The following GRIN2A variants were observed in gnomAD, a reference collection of about 807,000 sequenced individuals.
The protein encoded by GRIN2A is glutamate ionotropic receptor NMDA type subunit 2A, also known as glutamate receptor ionotropic, NMDA 2A.
In GRIN2A, 22 loss-of-function variants were observed where a neutral mutation model predicts 113.4. That is an observed-to-expected ratio of 0.19 (90% CI 0.14 to 0.28). The LOEUF (loss-of-function observed/expected upper bound fraction) is 0.28, where lower values mean the gene tolerates loss of function less well. GRIN2A is among the 10% of genes least tolerant of loss of function. The pLI is 1.00. For missense variants in GRIN2A, 1,502 were observed against 1,887.0 expected, an observed-to-expected ratio of 0.80 and a Z score of 3.78; for synonymous variants, 827 against 738.4, an observed-to-expected ratio of 1.12 and a Z score of -1.94.
chr16:9,886,105 C>A (rs1253742904), intron 4 of GRIN2A, among the ~76,000 whole-genome samples: 1 of 152,162 alleles, frequency 6.6e-6, no homozygotes, highest in Non-Finnish European at 1.5e-5. Context: ...AGGTGTGAGT[C>A]AAGCCTGCTC....
intron 11 of GRIN2A, among the ~76,000 whole-genome samples, chr16:9,793,300 T>G (rs2141214857): frequency 6.6e-6 from 1 of 152,292 alleles, no homozygotes; most frequent in East Asian, 1.9e-4. Context: ...TAGGCATTCT[T>G]GTTCTTCTCA....
intron 5 of GRIN2A, among the ~76,000 whole-genome samples, chr16:9,842,794 G>T (rs1298359032): frequency 1.3e-5 from 2 of 151,936 alleles, no homozygotes; most frequent in Non-Finnish European, 2.9e-5. Flanking sequence ...AAAATGAGCT[G>T]GGCATGGTGG....
At chr16:9,846,232 C>G (rs2042769789) in intron 5 of GRIN2A, among the ~76,000 whole-genome samples, 1 of 151,960 alleles carries the variant, frequency 6.6e-6, no homozygotes, top group East Asian at 1.9e-4. Context: ...AGAGTGGAGG[C>G]TGGGGGACTG....
chr16:10,117,386 G>A (rs1596524273), intron 2 of GRIN2A, among the ~76,000 whole-genome samples: 1 of 152,292 alleles, frequency 6.6e-6, no homozygotes, highest in Non-Finnish European at 1.5e-5. Context: ...ACTGTGGGTG[G>A]CGATAAAATG....
chr16:10,048,317 C>T (rs1329180027), intron 2 of GRIN2A, among the ~76,000 whole-genome samples: 3 of 152,176 alleles, frequency 2.0e-5, no homozygotes, highest in East Asian at 1.9e-4. Flanking sequence ...TTAATTCCTT[C>T]GTAATCAATC....
chr16:9,765,052 A>G, intron 12 of GRIN2A, 104 bp from the exon 13 acceptor site: 2 of 1,482,770 alleles, frequency 1.3e-6, no homozygotes, highest in East Asian at 2.3e-5. Flanking sequence ...CACTTCTTGC[A>G]GGAGCCCTGG....
At chr16:10,118,040 A>G (rs1314187863) in intron 2 of GRIN2A, among the ~76,000 whole-genome samples, 1 of 152,186 alleles carries the variant, frequency 6.6e-6, no homozygotes, top group Non-Finnish European at 1.5e-5. Context: ...ATCTTGGGGC[A>G]TTCTCTGGAG....
chr16:10,079,952 A>T (rs1004210702), intron 2 of GRIN2A, among the ~76,000 whole-genome samples: 1 of 152,242 alleles, frequency 6.6e-6, no homozygotes, highest in African/African-American at 2.4e-5. Context: ...ACTTTGTATG[A>T]GAATGAGCAA....
chr16:9,867,455 A>C (rs2043179321), intron 4 of GRIN2A, among the ~76,000 whole-genome samples: 1 of 152,118 alleles, frequency 6.6e-6, no homozygotes, highest in Non-Finnish European at 1.5e-5. Flanking sequence ...GCCTCTGCAC[A>C]CATGTCTTTC....
At chr16:10,174,264 A>C (rs2050101845) in intron 2 of GRIN2A, among the ~76,000 whole-genome samples, 1 of 152,216 alleles carries the variant, frequency 6.6e-6, no homozygotes, top group African/African-American at 2.4e-5. Context: ...CAAGGAGCCA[A>C]AATGAAGTCA....
chr16:10,022,031 G>T (rs1337508515), intron 2 of GRIN2A, among the ~76,000 whole-genome samples: 1 of 152,110 alleles, frequency 6.6e-6, no homozygotes, highest in Non-Finnish European at 1.5e-5. Context: ...ACACCTTGCT[G>T]TTCCTCCATG....
rs140081987 is a variant in GRIN2A at position 9,890,902 on chromosome 16, C to T, written c.1122+84G>A. 7.0e-4 allele frequency: 598 copies of T among 857,296 alleles called. 2 individuals are homozygous for T. The highest frequency in any genetic ancestry group is 1.2e-3 in the South Asian group (93 of 75,218). The allele number at this position is 857,296 out of a possible 1,614,324, so 53.1% of individuals were successfully genotyped here. On this transcript the variant is annotated intron_variant, in intron 4 of 12. Transcript: ENST00000330684. ...ATCTAGAGCAGCTCAACAGGAAATG[C>T]GTGGGAGAAAGAAGCACTGTGAGCC...
chr16:10,158,606 C>G, intron 2 of GRIN2A, among the ~76,000 whole-genome samples: 1 of 152,206 alleles, frequency 6.6e-6, no homozygotes, highest in East Asian at 1.9e-4. Flanking sequence ...GAATAAAGTA[C>G]TGATTCATGC....
intron 11 of GRIN2A, among the ~76,000 whole-genome samples, chr16:9,791,901 T>C (rs1230369326): frequency 6.6e-6 from 1 of 152,108 alleles, no homozygotes; most frequent in Non-Finnish European, 1.5e-5. Context: ...TCTGTGAGCA[T>C]CATTATGCTG....
At chr16:9,921,275 T>C (rs2044353709) in intron 3 of GRIN2A, among the ~76,000 whole-genome samples, 1 of 152,222 alleles carries the variant, frequency 6.6e-6, no homozygotes, top group Non-Finnish European at 1.5e-5. Context: ...ACTTTCATGA[T>C]GAATTAACTC....
intron 2 of GRIN2A, among the ~76,000 whole-genome samples, chr16:10,039,826 A>AGAGAGAGAGAGAGAGAGAGAGAGAGT (rs2047117236): frequency 7.6e-6 from 1 of 131,688 alleles, no homozygotes; most frequent in Non-Finnish European, 1.7e-5. Flanking sequence ...AGAGAGAGAG[A>AGAGAGAGAGAGAGAGAGAGAGAGAGT]GAGAGAGAGG....
At chr16:10,122,497 T>C (rs944356794) in intron 2 of GRIN2A, among the ~76,000 whole-genome samples, 19 of 152,186 alleles carry the variant, frequency 1.2e-4, no homozygotes, top group African/African-American at 4.3e-4. Context: ...GTGATCTTTT[T>C]GAAGGTCATT....
chr16:9,822,938 A>G (rs533259948), intron 9 of GRIN2A, among the ~76,000 whole-genome samples: 5 of 152,124 alleles, frequency 3.3e-5, no homozygotes, highest in African/African-American at 9.7e-5. Flanking sequence ...ATTACCACTC[A>G]TTCATTCTCC....
At chr16:10,053,091 G>A (rs1254672584) in intron 2 of GRIN2A, among the ~76,000 whole-genome samples, 1 of 151,614 alleles carries the variant, frequency 6.6e-6, no homozygotes, top group Non-Finnish European at 1.5e-5. Context: ...AGTAAAACTT[G>A]GGAATCTGAA....
Sources: allele counts gnomAD v4.1 joint callset (sites outside exome capture counted in the v4.1 genomes callset), GRCh38; gene constraint gnomAD v4.1.1; transcripts MANE v1.5; gene names NCBI Gene and HGNC (gene_info 2026-07-23, HGNC 2026-07-21).